DHDDS: variants seen among roughly 807,000 people sequenced by gnomAD.
The protein encoded by DHDDS is dehydrodolichyl diphosphate synthase subunit.
DHDDS carries 16 observed loss-of-function variants against 46.2 expected under a neutral mutation model. That is an observed-to-expected ratio of 0.35 (90% CI 0.23 to 0.53). The LOEUF is 0.53. Ranked by LOEUF, DHDDS falls within the 20% of genes least tolerant of loss-of-function variation. The pLI, the probability that DHDDS is intolerant of heterozygous loss-of-function variation, is 0.94. For missense variants in DHDDS, 340 were observed against 423.7 expected, an observed-to-expected ratio of 0.80 and a Z score of 1.73; for synonymous variants, 151 against 163.1, an observed-to-expected ratio of 0.93 and a Z score of 0.56.
chr1:26,469,646 GC>G lies in DHDDS; in HGVS notation c.*516del. Reference sequence around the variant, plus strand: ...GAGACAGAAAATTTGCCCATCTGCTGCTCCTCCCCCTTGGCTCTCCACCTGG... The same window carrying G: ...GAGACAGAAAATTTGCCCATCTGCTGTCCTCCCCCTTGGCTCTCCACCTGG... On this transcript the variant is annotated 3_prime_UTR_variant, in exon 9 of 9. Transcript: ENST00000236342. 5 of 227,528 alleles carry G rather than the reference GC, an allele frequency of 2.2e-5. No homozygotes were observed. The highest frequency in any genetic ancestry group is 1.0e-4 in the Admixed American group (2 of 19,462). 14.1% of individuals were successfully genotyped at this position (227,528 alleles called of 1,614,324 possible).
At chr1:26,453,844 G>A (rs1347211756) in intron 6 of DHDDS, among the ~76,000 whole-genome samples, 1 of 152,170 alleles carries the variant, frequency 6.6e-6, no homozygotes. Flanking sequence ...AAGTCTTCAC[G>A]TAGACAGCTT....
rs370342243 is a variant in DHDDS at position 26,438,692 on chromosome 1, C to T, written c.180+408C>T. ...AGTGAATAGAGATTGTGCCCCTGTA[C>T]TCTAGCCTGGGTGACAGAGTGACAC... On this transcript the variant is annotated intron_variant, in intron 3 of 8. Coordinates refer to ENST00000236342, the MANE Select transcript of DHDDS (RefSeq NM_205861.3). 6.5e-5 allele frequency: 13 copies of T among 201,434 alleles called. No individual in the cohort carries two copies. In the East Asian group the frequency reaches 9.5e-4, roughly 15 times the overall value. The allele number at this position is 201,434 out of a possible 1,614,324, so 12.5% of individuals were successfully genotyped here.
intron 7 of DHDDS, among the ~76,000 whole-genome samples, chr1:26,458,561 A>C (rs1043032842): frequency 1.3e-5 from 2 of 151,878 alleles, no homozygotes; most frequent in African/African-American, 4.8e-5. Context: ...AACATGGTGA[A>C]CCCCTGTCTC....
At chr1:26,458,752 A>G (rs1025821719) in intron 7 of DHDDS, among the ~76,000 whole-genome samples, 66 of 151,798 alleles carry the variant, frequency 4.3e-4, no homozygotes, top group African/African-American at 6.3e-4. Context: ...AAAAAAAAAA[A>G]AAAAGAAAAG....
At chr1:26,467,356 G>A (rs944364471) in intron 8 of DHDDS, 33 of 471,346 alleles carry the variant, frequency 7.0e-5, no homozygotes, top group African/African-American at 5.2e-4. Flanking sequence ...AGAGCTCTAC[G>A]GCAACTGTTC....
rs116073067 is a variant in DHDDS at position 26,458,462 on chromosome 1, G to A, written c.657+557G>A. ...AATCTTAAAAGTGAGCTAACGCAGG[G>A]CGTGGTGGCTCACGCCTGTAATCCT... is the stretch of plus-strand genomic sequence containing the variant. On this transcript the variant is annotated intron_variant, in intron 7 of 8. Transcript: ENST00000236342. 6.7e-3 allele frequency among the ~76,000 whole-genome samples: 1,015 copies of A among 152,308 alleles called. 5 individuals are homozygous for A. Among genetic ancestry groups the A allele is most frequent in the African/African-American group, 0.022 (933 of 41,566 alleles).
chr1:26,463,128 A>G (rs1406539652), intron 8 of DHDDS, among the ~76,000 whole-genome samples: 1 of 152,136 alleles, frequency 6.6e-6, no homozygotes, highest in Non-Finnish European at 1.5e-5. Context: ...TAATCAGGGG[A>G]TGACGGGATC....
At chr1:26,435,696 C>T (rs188209563) in intron 2 of DHDDS, among the ~76,000 whole-genome samples, 127 of 151,968 alleles carry the variant, frequency 8.4e-4, no homozygotes, top group Middle Eastern at 3.4e-3. Flanking sequence ...CTCACTGCAA[C>T]CTCTGCCTCC....
At chr1:26,446,575 C>A in intron 5 of DHDDS, 143 bp downstream of exon 5, 1 of 733,464 alleles carries the variant, frequency 1.4e-6, no homozygotes, top group East Asian at 2.7e-5. Context: ...AGACTTTCTC[C>A]GTCTGCAGGG....
chr1:26,461,455 G>A (rs964542528), intron 8 of DHDDS, among the ~76,000 whole-genome samples: 6 of 147,314 alleles, frequency 4.1e-5, no homozygotes, highest in East Asian at 4.0e-4. Context: ...GCGCAATCTC[G>A]GCTCACCGAA....
intron 8 of DHDDS, among the ~76,000 whole-genome samples, chr1:26,461,383 CTTT>C (rs71581068): frequency 1.5e-4 from 21 of 136,462 alleles, no homozygotes; most frequent in East Asian, 1.5e-3. Context: ...ACATAGAATA[CTTT>C]TTTTTTTTTT....
chr1:26,435,430 C>CTTTT (rs35735570), intron 2 of DHDDS, among the ~76,000 whole-genome samples: 9 of 62,484 alleles, frequency 1.4e-4, no homozygotes, highest in Admixed American at 2.4e-4. Flanking sequence ...GAATTAGTGC[C>CTTTT]TTTTTTTTTT....
chr1:26,432,809 T>C, intron 1 of DHDDS, 82 bp from the exon 2 acceptor site: 1 of 815,104 alleles, frequency 1.2e-6, no homozygotes, highest in South Asian at 1.4e-5. Flanking sequence ...CTGCTCTCCA[T>C]AGTCCATCTG....
At chr1:26,467,540 T>C (rs148806275) in intron 8 of DHDDS, 1 of 331,136 alleles carries the variant, frequency 3.0e-6, no homozygotes, top group Non-Finnish European at 6.5e-6. Context: ...AGTTCCCTGC[T>C]CCATGTCTGT....
intron 2 of DHDDS, among the ~76,000 whole-genome samples, chr1:26,434,040 T>C (rs1300423030): frequency 6.6e-6 from 1 of 152,168 alleles, no homozygotes; most frequent in Non-Finnish European, 1.5e-5. Flanking sequence ...GGCCTGAAAG[T>C]CCAGTTCTAT....
At chr1:26,449,911 C>T (rs1395080289) in intron 6 of DHDDS, among the ~76,000 whole-genome samples, 1 of 152,130 alleles carries the variant, frequency 6.6e-6, no homozygotes, top group Non-Finnish European at 1.5e-5. Flanking sequence ...TGCTAGGTAA[C>T]CCTGAGAGAA....
At chr1:26,447,777 C>T in intron 6 of DHDDS, 117 bp downstream of exon 6, 1 of 882,906 alleles carries the variant, frequency 1.1e-6, no homozygotes, top group Non-Finnish European at 1.9e-6. Context: ...CCACTTGAGG[C>T]AGGCCAGGAG....
At chr1:26,436,429 G>GTTTA (rs1301084108) in intron 2 of DHDDS, among the ~76,000 whole-genome samples, 1 of 149,924 alleles carries the variant, frequency 6.7e-6, no homozygotes, top group Admixed American at 6.6e-5. Context: ...TTGTTTGTTT[G>GTTTA]TTTGTTTGTT....
chr1:26,435,419 G>A (rs2075143898), intron 2 of DHDDS, among the ~76,000 whole-genome samples: 1 of 144,182 alleles, frequency 6.9e-6, no homozygotes, highest in African/African-American at 2.6e-5. Context: ...CTAGAGGTCA[G>A]GAATTAGTGC....
Sources: gnomAD v4.1 joint callset for allele counts (sites outside exome capture counted in the v4.1 genomes callset) on GRCh38, gnomAD v4.1.1 for gene constraint, MANE v1.5 for transcripts, NCBI Gene and HGNC (gene_info 2026-07-23, HGNC 2026-07-21) for gene names.